NLRP12: variants seen among roughly 807,000 people sequenced by gnomAD.
NLRP12 encodes NACHT, LRR and PYD domains-containing protein 12.
Under a neutral mutation model 91.2 loss-of-function variants are expected in NLRP12, and 108 were observed. That is an observed-to-expected ratio of 1.18 (90% CI 1.01 to 1.39). The LOEUF (loss-of-function observed/expected upper bound fraction) is 1.39. NLRP12 is among the 40% of genes most tolerant of loss of function. The pLI, the probability that NLRP12 is intolerant of heterozygous loss-of-function variation, is 0.00. For missense variants in NLRP12, 1,530 were observed against 1,352.7 expected (o/e 1.13, Z -2.06); for synonymous variants, 613 against 566.7 (o/e 1.08, Z -1.16).
chr19:53,810,304 A>T lies in NLRP12; in HGVS notation c.1355T>A (p.Leu452His). The T allele has an allele frequency of 1.2e-6, 2 of 1,613,856 alleles. No homozygotes were observed. Among genetic ancestry groups the T allele is most frequent in the Non-Finnish European group, 1.7e-6 (2 of 1,180,018 alleles). Residue 452 changes from leucine to histidine, a missense_variant, in exon 3 of 10, where the codon CTC (leucine) becomes CAC (histidine). Coordinates refer to ENST00000324134, the MANE Select transcript of NLRP12 (RefSeq NM_144687.4). ...CCCTCTCTGGTTGGGTGGGGGCTGG[A>T]GGCGCGGGGCCCCCGGCTTGGGTTG... ...LMQPKPGAPR[L>H]QPPPNQRGLC...
At chr19:53,805,485 T>C (rs1464782532) in intron 4 of NLRP12, 35 bp from the exon 5 acceptor site, 2 of 1,610,250 alleles carry the variant, frequency 1.2e-6, no homozygotes, top group Non-Finnish European at 1.7e-6. Context: ...AGCTGGTCAT[T>C]TCTTTTGCTC....
rs777772719 is a variant in NLRP12 at position 53,810,469 on chromosome 19, A to G, written c.1190T>C (p.Leu397Pro). The G allele has an allele frequency of 1.2e-6, 2 of 1,614,134 alleles. No individual in the cohort carries two copies. Among genetic ancestry groups the G allele is most frequent in the Non-Finnish European group, 8.5e-7 (1 of 1,180,020 alleles). The change falls in exon 3 of 10, where the codon CTC becomes CCC. Residue 397 changes from leucine (L) to proline (P), a missense_variant. Coordinates refer to ENST00000324134, the MANE Select transcript of NLRP12 (RefSeq NM_144687.4). ...VFNYVRDNEP[L>P]FTMCFVPLVC... ...CAGGGGGACGAAGCACATGGTGAAGAGAGGCTCGTTGTCCCTCACGTAATT... is the reference window on the plus strand; with the variant it reads ...CAGGGGGACGAAGCACATGGTGAAGGGAGGCTCGTTGTCCCTCACGTAATT...
At position 53,794,130 on chromosome 19, in the gene NLRP12, A is replaced by C; in HGVS notation, c.3105T>G (p.Phe1035Leu). The C allele has an allele frequency of 6.2e-7, 1 of 1,610,996 alleles. No homozygotes were observed. Among genetic ancestry groups the C allele is most frequent in the Non-Finnish European group, 8.5e-7 (1 of 1,177,172 alleles). The stretch of plus-strand genomic sequence containing the variant: ...GGGTCATTTTATTCAGGTCCATCCC[A>C]AATAACCTGTGGACACAAGAGTTGA... ...PGCKLRVLWL[F>L]GMDLNKMTHS... is the part of the protein sequence containing the mutation. The change falls in exon 10 of 10, where the codon TTT becomes TTG. Residue 1035 changes from phenylalanine to leucine, a missense_variant. Coordinates refer to ENST00000324134, the MANE Select transcript of NLRP12 (RefSeq NM_144687.4).
At position 53,823,843 on chromosome 19, in the gene NLRP12, C is replaced by A. The variant is rs371128502; in HGVS notation, c.289+43G>T. ...GAGATTACAGGTATGAGTCACTGGA[C>A]CCGGCTGGCATTCTAGCCTTGCCTG... On this transcript the variant is annotated intron_variant, in intron 1 of 9. Coordinates refer to ENST00000324134, the MANE Select transcript of NLRP12 (RefSeq NM_144687.4). The A allele has an allele frequency of 8.0e-5, 129 of 1,610,708 alleles. 1 individual carries two copies. In the African/African-American group the frequency reaches 1.6e-3, roughly 20 times the overall value.
chr19:53,823,428 ATATTTAAAATATATGT>A (rs1282613021), intron 1 of NLRP12, among the ~76,000 whole-genome samples: 3 of 69,064 alleles, frequency 4.3e-5, no homozygotes, highest in African/African-American at 1.8e-4. Flanking sequence ...TTAAATATAT[ATATTTAAAATATATGT>A]TTTAAATATA....
At chr19:53,801,065 C>T (rs184601099) in intron 7 of NLRP12, among the ~76,000 whole-genome samples, 162 bp downstream of exon 7, 1,903 of 148,574 alleles carry the variant, frequency 0.013, 34 homozygotes, top group African/African-American at 0.045. Flanking sequence ...TGGTGGCGGG[C>T]GCCTGTAATC....
At chr19:53,822,245 T>C (rs1047857563) in intron 1 of NLRP12, among the ~76,000 whole-genome samples, 3 of 152,140 alleles carry the variant, frequency 2.0e-5, no homozygotes. Context: ...AAAGTTGAAA[T>C]TTTTATATAG....
At chr19:53,815,273 G>C (rs2092141500) in intron 1 of NLRP12, among the ~76,000 whole-genome samples, 1 of 134,528 alleles carries the variant, frequency 7.4e-6, no homozygotes, top group Non-Finnish European at 1.5e-5. Context: ...CTGTTGCCCA[G>C]GCTGGAATGC....
At chr19:53,799,898 T>C (rs1209060837) in intron 7 of NLRP12, among the ~76,000 whole-genome samples, 1 of 152,028 alleles carries the variant, frequency 6.6e-6, no homozygotes, top group Non-Finnish European at 1.5e-5. Flanking sequence ...GTGTAGTGGG[T>C]CACACCTGTA....
intron 4 of NLRP12, among the ~76,000 whole-genome samples, chr19:53,807,031 A>AG (rs1194250328): frequency 6.6e-6 from 1 of 151,898 alleles, no homozygotes; most frequent in Non-Finnish European, 1.5e-5. Context: ...ACCTGCCTTG[A>AG]GAAAATAGAT....
rs1380366925 is a variant in NLRP12, at chr19:53,807,628, G to A, written c.2110C>T (p.His704Tyr). 6.2e-7 allele frequency: 1 copy of A among 1,614,176 alleles called. No homozygotes were observed. Among genetic ancestry groups the A allele is most frequent in the Non-Finnish European group, 8.5e-7 (1 of 1,180,038 alleles). ...RTVLLDAYSE[H>Y]LAAALCTNPN... ...TTGGTGCACAGGGCCGCTGCCAGAT[G>A]TTCACTGTAGGCGTCCAGCAGAACG... is the stretch of plus-strand genomic sequence containing the variant. The change falls in exon 4 of 10, where the codon CAT becomes TAT. Residue 704 changes from histidine to tyrosine, a missense_variant. Transcript: ENST00000324134.
In NLRP12 at chr19:53,819,596, TACGC is replaced by T. The variant is rs1568696344; in HGVS notation, c.289+4286_289+4289del. ...GCGTATATATGTATGTATACGTATA[TACGC>T]ATATATATGTATGTATACGTATATA... On this transcript the variant is annotated intron_variant, in intron 1 of 9. Transcript: ENST00000324134. Among the ~76,000 whole-genome samples, 190 of 52,172 alleles carry T rather than the reference TACGC, an allele frequency of 3.6e-3. 25 individuals are homozygous for T. Among genetic ancestry groups the T allele is most frequent in the Middle Eastern group, 8.8e-3 (1 of 114 alleles). 34.2% of individuals were successfully genotyped at this position (52,172 alleles called of 152,430 possible).
In NLRP12 at chr19:53,813,299, C is replaced by T. The variant is rs866590789; in HGVS notation, c.370+1609G>A. Among the ~76,000 whole-genome samples, 345 of 85,904 alleles carry T rather than the reference C, an allele frequency of 4.0e-3. 1 individual carries two copies. The highest frequency in any genetic ancestry group is 4.3e-3 in the Non-Finnish European group (196 of 45,456). The allele number at this position is 85,904 out of a possible 152,430, so 56.4% of individuals were successfully genotyped here. The stretch of plus-strand genomic sequence containing the variant: ...TGCTATTCTTTTTTTTTTTTCTTTT[C>T]TTTTTTTTTTTTTTTTTTTTTGAGA... On this transcript the variant is annotated intron_variant, in intron 2 of 9. Coordinates refer to ENST00000324134, the MANE Select transcript of NLRP12 (RefSeq NM_144687.4).
In NLRP12 at chr19:53,795,560, G is replaced by C. The variant is rs555270253; in HGVS notation, c.3098+299C>G. The stretch of plus-strand genomic sequence containing the variant: ...CGGCTAATTTTTTGTGTTTTTATTA[G>C]AGACGGGGTTTCGCCATTTTAGCCA... On this transcript the variant is annotated intron_variant, in intron 9 of 9. Transcript: ENST00000324134. 1.5e-3 allele frequency among the ~76,000 whole-genome samples: 228 copies of C among 150,178 alleles called. 3 individuals carry two copies. The highest frequency in any genetic ancestry group is 5.2e-3 in the African/African-American group (214 of 40,850).
In NLRP12 at chr19:53,798,295, A is replaced by G. The variant is rs1367609448; in HGVS notation, c.2875T>C (p.Trp959Arg). 6.2e-7 allele frequency: 1 copy of G among 1,614,028 alleles called. No individual in the cohort carries two copies. The highest frequency in any genetic ancestry group is 1.3e-5 in the African/African-American group (1 of 74,924). ...TGTTGCAGCCCCTCAGCCAGCAACCACAGGCCCCAGTCTCCCAGGTCGTTG... is the reference window on the plus strand; with the variant it reads ...TGTTGCAGCCCCTCAGCCAGCAACCGCAGGCCCCAGTCTCCCAGGTCGTTG... ...SFNDLGDWGL[W>R]LLAEGLQHPA... Residue 959 changes from tryptophan (W) to arginine (R), a missense_variant, in exon 8 of 10, where the codon TGG (tryptophan) becomes CGG (arginine). Transcript: ENST00000324134.
Position 53,809,788 on chromosome 19 carries a change from T to C in NLRP12, c.1871A>G (p.Glu624Gly). 4 of 1,613,734 alleles carry C rather than the reference T, an allele frequency of 2.5e-6. No homozygotes were observed. The highest frequency in any genetic ancestry group is 3.4e-6 in the Non-Finnish European group (4 of 1,179,816). ...FSCLYEIQEEEFIQQALSHFQ... is the reference protein window; with the variant it reads ...FSCLYEIQEEGFIQQALSHFQ... The stretch of plus-strand genomic sequence containing the variant: ...GTGGCTCAGGGCCTGCTGGATAAAC[T>C]CCTCCTCCTGGATCTCGTACAAGCA... Residue 624 changes from glutamate to glycine, a missense_variant, in exon 3 of 10, where the codon GAG becomes GGG. Glu to Gly is a moderately conservative substitution (Grantham distance 98, BLOSUM62 -2). Transcript: ENST00000324134.
chr19:53,823,251 TAATA>T (rs957863723), intron 1 of NLRP12, among the ~76,000 whole-genome samples: 3 of 137,098 alleles, frequency 2.2e-5, no homozygotes, highest in African/African-American at 7.8e-5. Flanking sequence ...ATTTAATATA[TAATA>T]TTTATTATTT....
intron 1 of NLRP12, among the ~76,000 whole-genome samples, chr19:53,819,844 G>A (rs1361317886): frequency 6.6e-6 from 1 of 150,454 alleles, no homozygotes; most frequent in Non-Finnish European, 1.5e-5. Flanking sequence ...AAAAAGAGAG[G>A]AGAGGGAGAG....
rs757533733 is a variant in NLRP12 at position 53,801,369 on chromosome 19, C to T, written c.2614G>A (p.Ala872Thr). ...WLKICRLTAA[A>T]CDELASTLSV... is the part of the protein sequence containing the mutation. Reference sequence around the variant, plus strand: ...AGAGTTGAGGCCAGCTCGTCACAGGCAGCAGCAGTGAGGCGGCAGATCTTC... The same window carrying T: ...AGAGTTGAGGCCAGCTCGTCACAGGTAGCAGCAGTGAGGCGGCAGATCTTC... Residue 872 changes from alanine to threonine, a missense_variant, in exon 7 of 10, where the codon GCC becomes ACC. By Grantham distance (58) the Ala-to-Thr change is moderately conservative (BLOSUM62 0). Transcript: ENST00000324134. The T allele has an allele frequency of 3.1e-6, 5 of 1,613,656 alleles. No individual in the cohort carries two copies. Among genetic ancestry groups the T allele is most frequent in the South Asian group, 1.1e-5 (1 of 91,066 alleles).
Sources: allele counts gnomAD v4.1 joint callset (sites outside exome capture counted in the v4.1 genomes callset), GRCh38; gene constraint gnomAD v4.1.1; transcripts MANE v1.5; gene names NCBI Gene and HGNC (gene_info 2026-07-23, HGNC 2026-07-21).